BCL2L14: variants seen among roughly 807,000 people sequenced by gnomAD.
BCL2L14 encodes the protein BCL2 like 14.
BCL2L14 carries 27 observed loss-of-function variants against 35.3 expected under a neutral mutation model. The observed-to-expected ratio is 0.76, with a 90% CI of 0.56 to 1.05. BCL2L14 has a LOEUF of 1.05. BCL2L14 is among the 50% of genes least tolerant of loss of function. The probability of loss-of-function intolerance (pLI) is 0.00; values close to 1 mark genes in which losing one functional copy is unlikely to be tolerated. For synonymous variants in BCL2L14, 139 were observed against 145.9 expected (o/e 0.95, Z 0.34); for missense variants, 377 against 382.6 (o/e 0.99, Z 0.12).
chr12:12,087,086 G>A, intron 2 of BCL2L14, 127 bp from the exon 3 acceptor site: 1 of 1,037,428 alleles, frequency 9.6e-7, no homozygotes, highest in Non-Finnish European at 1.4e-6. Context: ...CCCTCCCCCA[G>A]CACACATACT....
intron 2 of BCL2L14, among the ~76,000 whole-genome samples, chr12:12,059,166 A>T (rs945021321): frequency 7.2e-5 from 11 of 152,176 alleles, no homozygotes; most frequent in African/African-American, 2.7e-4. Context: ...CTCTCTGATT[A>T]TTCCCCCACG....
chr12:12,074,335 G>A (rs1948734267), intron 1 of BCL2L14, among the ~76,000 whole-genome samples: 1 of 152,328 alleles, frequency 6.6e-6, no homozygotes. Flanking sequence ...TACTCTAGGT[G>A]CTGGGGAAGC....
intron 2 of BCL2L14, among the ~76,000 whole-genome samples, chr12:12,056,864 C>G (rs1281956579): frequency 2.0e-5 from 3 of 152,154 alleles, no homozygotes; most frequent in Non-Finnish European, 4.4e-5. Flanking sequence ...CAATCAATAA[C>G]AGAACCTAGA....
chr12:12,087,246 G>C lies in BCL2L14; in HGVS notation c.467G>C (p.Arg156Pro). The change falls in exon 3 of 6, where the codon CGA becomes CCA. Residue 156 changes from arginine (R) to proline (P), a missense_variant. Arg to Pro is a moderately radical substitution (Grantham distance 103). Transcript: ENST00000308721. The stretch of plus-strand genomic sequence containing the variant: ...CCCAAAGTCATTTCCATTGCCAACC[G>C]AGTAGCTGAAATTGTTTACTCCTGG... ...VDPKVISIAN[R>P]VAEIVYSWPP... 1 of 1,614,140 alleles carries C rather than the reference G, an allele frequency of 6.2e-7. No individual in the cohort carries two copies. The highest frequency in any genetic ancestry group is 8.5e-7 in the Non-Finnish European group (1 of 1,180,028).
chr12:12,077,868 G>C (rs975262895), intron 1 of BCL2L14: 1 of 303,994 alleles, frequency 3.3e-6, no homozygotes, highest in Non-Finnish European at 6.8e-6. Context: ...GAGCTTTCTC[G>C]CATCTGAGAC....
intron 2 of BCL2L14, among the ~76,000 whole-genome samples, chr12:12,062,303 C>T (rs1422435387): frequency 1.0e-4 from 2 of 20,028 alleles, no homozygotes; most frequent in East Asian, 0.083. Context: ...ATCCACCTGA[C>T]ACTCACCCCA....
At chr12:12,086,418 C>A (rs893442437) in intron 2 of BCL2L14, among the ~76,000 whole-genome samples, 1 of 152,214 alleles carries the variant, frequency 6.6e-6, no homozygotes, top group African/African-American at 2.4e-5. Context: ...GCCCACCCCA[C>A]CTCCCCTCTT....
chr12:12,075,437 T>TTTC (rs1565460302), intron 1 of BCL2L14, among the ~76,000 whole-genome samples: 5 of 66,298 alleles, frequency 7.5e-5, no homozygotes, highest in Non-Finnish European at 1.9e-4. Flanking sequence ...TTCTTTCTTT[T>TTTC]TTTTTTGAGA....
upstream of BCL2L14, among the ~76,000 whole-genome samples, chr12:12,068,593 C>A (rs1948621166): frequency 6.6e-6 from 1 of 152,002 alleles, no homozygotes; most frequent in Admixed American, 6.6e-5. Flanking sequence ...AATACCTGGT[C>A]TCCAGTGATC....
At chr12:12,059,213 T>G (rs1356589825) in intron 2 of BCL2L14, among the ~76,000 whole-genome samples, 1 of 152,190 alleles carries the variant, frequency 6.6e-6, no homozygotes, top group Non-Finnish European at 1.5e-5. Flanking sequence ...ACGCCTGCCT[T>G]GGTCCTTCAC....
At chr12:12,078,850 G>T (rs1291324315) in intron 1 of BCL2L14, among the ~76,000 whole-genome samples, 1 of 152,146 alleles carries the variant, frequency 6.6e-6, no homozygotes, top group Non-Finnish European at 1.5e-5. Flanking sequence ...AGGCTGGAGT[G>T]CAGTGGCGCA....
intron 4 of BCL2L14, among the ~76,000 whole-genome samples, chr12:12,093,794 G>GAAAAAAA (rs36147842): frequency 1.5e-5 from 2 of 131,620 alleles, no homozygotes; most frequent in African/African-American, 2.9e-5. Flanking sequence ...CTCCATCTCA[G>GAAAAAAA]AAAAAAAAAA....
chr12:12,093,706 T>C (rs138745228), intron 4 of BCL2L14, among the ~76,000 whole-genome samples: 607 of 149,114 alleles, frequency 4.1e-3, no homozygotes, highest in African/African-American at 0.014. Context: ...GACAGGAGAG[T>C]TGCTTGAACC....
chr12:12,072,006 C>T (rs573640998), intron 1 of BCL2L14, among the ~76,000 whole-genome samples: 1 of 152,070 alleles, frequency 6.6e-6, no homozygotes, highest in Non-Finnish European at 1.5e-5. Context: ...TCAGTGCCCA[C>T]GAGATCCACT....
chr12:12,071,083 T>A lies in BCL2L14; in HGVS notation c.-62T>A, dbSNP rs1948662899. ...GGAGAGAGACTCAGGTATAGAAATA[T>A]CCTTACTGCCACCTGACCTGAAGCA... On this transcript the variant is annotated 5_prime_UTR_variant, in exon 1 of 6. Coordinates refer to ENST00000308721, the MANE Select transcript of BCL2L14 (RefSeq NM_138723.2). 1 of 152,076 alleles carries A rather than the reference T, an allele frequency of 6.6e-6. No individual in the cohort carries two copies. Among genetic ancestry groups the A allele is most frequent in the South Asian group, 2.1e-4 (1 of 4,818 alleles). The allele number at this position is 152,076 out of a possible 1,614,324, so 9.4% of individuals were successfully genotyped here. A position where few individuals can be genotyped will look rare whatever the true frequency, so the allele number is the denominator to read the frequency against.
At position 12,079,317 on chromosome 12, in the gene BCL2L14, C is replaced by A. The variant is rs1392323569; in HGVS notation, c.12C>A (p.Thr4=). ...GTTACAGGCCCAACATGTGTAGCAC[C>A]AGTGGGTGTGACCTGGAAGAAATCC... The part of the protein sequence containing the change: MCS[T]SGCDLEEIPL... Residue 4 remains threonine, a synonymous_variant, in exon 2 of 6, where the codon ACC becomes ACA. Coordinates refer to ENST00000308721, the MANE Select transcript of BCL2L14 (RefSeq NM_138723.2). The A allele has an allele frequency of 6.2e-7, 1 of 1,613,364 alleles. No individual in the cohort carries two copies. Among genetic ancestry groups the A allele is most frequent in the East Asian group, 2.2e-5 (1 of 44,894 alleles).
At chr12:12,090,900 T>A in intron 4 of BCL2L14, 51 bp downstream of exon 4, 1 of 1,404,376 alleles carries the variant, frequency 7.1e-7, no homozygotes, top group Non-Finnish European at 9.9e-7. Flanking sequence ...CATGCACTAG[T>A]ACACGAGAAT....
intron 5 of BCL2L14, among the ~76,000 whole-genome samples, chr12:12,096,759 G>T (rs990291031): frequency 1.3e-5 from 2 of 152,220 alleles, no homozygotes; most frequent in African/African-American, 4.8e-5. Flanking sequence ...TGGAGAAATT[G>T]GAACCTTTTA....
chr12:12,087,481 T>C, intron 3 of BCL2L14, 95 bp downstream of exon 3: 1 of 1,367,064 alleles, frequency 7.3e-7, no homozygotes, highest in Non-Finnish European at 1.0e-6. Flanking sequence ...CTTGACAGTC[T>C]CCGCTGCCTG....
Sources: gnomAD v4.1 joint callset for allele counts (sites outside exome capture counted in the v4.1 genomes callset) on GRCh38, gnomAD v4.1.1 for gene constraint, MANE v1.5 for transcripts, NCBI Gene and HGNC (gene_info 2026-07-23, HGNC 2026-07-21) for gene names.